Variants in ACTR3C observed in about 807,000 individuals in gnomAD.
The protein encoded by ACTR3C is actin related protein 3C, also known as actin-related protein 3C.
A neutral mutation model predicts 26.3 loss-of-function variants in ACTR3C; 18 were observed. The observed-to-expected ratio is 0.68, with a 90% CI of 0.47 to 1.01. The LOEUF is 1.01. Among genes scored for constraint, ACTR3C ranks in the 50% least tolerant of loss-of-function variants. The pLI is 0.00. For missense variants in ACTR3C, 184 were observed against 250.7 expected (o/e 0.73, Z 1.80); for synonymous variants, 55 against 94.5 (o/e 0.58, Z 2.42).
the ACTR3C span, among the ~76,000 whole-genome samples, chr7:149,970,135 C>T: frequency 6.6e-6 from 1 of 152,148 alleles, no homozygotes; most frequent in Non-Finnish European, 1.5e-5. Flanking sequence ...TAGGGGCCTC[C>T]TTCTTGGCAT....
the ACTR3C span, among the ~76,000 whole-genome samples, chr7:149,914,562 C>A: frequency 2.0e-5 from 3 of 149,310 alleles, no homozygotes; most frequent in African/African-American, 7.4e-5. Context: ...GAGACTTTAT[C>A]TCAAAAATAA....
the ACTR3C span, among the ~76,000 whole-genome samples, chr7:149,901,866 G>A: frequency 8.1e-6 from 1 of 123,918 alleles, no homozygotes; most frequent in East Asian, 2.5e-4. Flanking sequence ...AGCCAAGATC[G>A]TGCCACTGTA....
At chr7:149,984,670 G>T in the ACTR3C span, among the ~76,000 whole-genome samples, 1 of 151,770 alleles carries the variant, frequency 6.6e-6, no homozygotes, top group Non-Finnish European at 1.5e-5. Flanking sequence ...AGTAAGTATT[G>T]GTGATGGTTT....
chr7:150,234,709 C>T, the ACTR3C span, among the ~76,000 whole-genome samples: 2 of 152,192 alleles, frequency 1.3e-5, no homozygotes, highest in African/African-American at 4.8e-5. Context: ...TGGCTGTTTG[C>T]TGTAGGAACT....
At chr7:150,252,164 G>GTT (rs1433395414) in intron 6 of ACTR3C, among the ~76,000 whole-genome samples, 4 of 152,042 alleles carry the variant, frequency 2.6e-5, no homozygotes, top group South Asian at 2.1e-4. Flanking sequence ...GTGTGTGTGT[G>GTT]TGTGCAATGA....
At chr7:150,032,267 T>A in the ACTR3C span, among the ~76,000 whole-genome samples, 12 of 152,190 alleles carry the variant, frequency 7.9e-5, no homozygotes, top group African/African-American at 2.9e-4. Context: ...GGTGACAGCA[T>A]TAGAATGGGA....
chr7:150,231,693 C>T, the ACTR3C span, among the ~76,000 whole-genome samples: 1 of 151,520 alleles, frequency 6.6e-6, no homozygotes, highest in Non-Finnish European at 1.5e-5. Flanking sequence ...TTTTCTGTTC[C>T]CGATTTCTAG....
the ACTR3C span, among the ~76,000 whole-genome samples, chr7:150,192,959 C>G: frequency 1.7e-4 from 26 of 152,334 alleles, no homozygotes; most frequent in Non-Finnish European, 2.8e-4. Context: ...TGCCAATGAT[C>G]TTAACCTCTG....
chr7:150,116,455 G>GA, the ACTR3C span, among the ~76,000 whole-genome samples: 1 of 152,186 alleles, frequency 6.6e-6, no homozygotes, highest in African/African-American at 2.4e-5. Flanking sequence ...ATGTTTCTAT[G>GA]AAAAAGTTTT....
At chr7:150,114,834 G>T in the ACTR3C span, among the ~76,000 whole-genome samples, 142 of 152,182 alleles carry the variant, frequency 9.3e-4, no homozygotes, top group Middle Eastern at 0.01. Context: ...ATGTGTGGGT[G>T]TCTGTGATTA....
At chr7:149,978,479 C>T in the ACTR3C span, among the ~76,000 whole-genome samples, 1 of 151,422 alleles carries the variant, frequency 6.6e-6, no homozygotes, top group Admixed American at 6.6e-5. Context: ...AAAATGACAC[C>T]CAATTTTCCA....
the ACTR3C span, among the ~76,000 whole-genome samples, chr7:150,049,340 C>T: frequency 1.3e-5 from 2 of 152,134 alleles, no homozygotes; most frequent in Non-Finnish European, 1.5e-5. Context: ...CCCTTCCCGG[C>T]CGGGAAGGAC....
chr7:150,307,491 C>T lies in ACTR3C; in HGVS notation c.-51-12144G>A, dbSNP rs373980549. On this transcript the variant is annotated intron_variant, in intron 1 of 7. Coordinates refer to ENST00000683684, the MANE Select transcript of ACTR3C (RefSeq NM_001164458.2). ...GACAATAAGACTTATGATCTCCCCA[C>T]CATGTACCTTGTGACCCCCTCCTCT... Among the ~76,000 whole-genome samples, 14 of 152,314 alleles carry T rather than the reference C, an allele frequency of 9.2e-5. No individual in the cohort carries two copies. The East Asian group carries it at 2.7e-3, about 29-fold the overall frequency.
At chr7:150,075,626 C>T in the ACTR3C span, among the ~76,000 whole-genome samples, 2 of 152,162 alleles carry the variant, frequency 1.3e-5, no homozygotes, top group African/African-American at 4.8e-5. Context: ...CCCTAAAAAT[C>T]AGGCCTTTTG....
downstream of ACTR3C, among the ~76,000 whole-genome samples, chr7:150,239,260 C>T (rs1318812574): frequency 4.0e-5 from 6 of 148,920 alleles, no homozygotes; most frequent in Non-Finnish European, 7.4e-5. Context: ...AACTCAGATG[C>T]GTTCTCAGTT....
chr7:150,176,601 C>T, the ACTR3C span, among the ~76,000 whole-genome samples: 5 of 150,940 alleles, frequency 3.3e-5, no homozygotes, highest in East Asian at 1.9e-4. Context: ...CATCAAATCA[C>T]GATTATGAGG....
At chr7:150,041,911 A>T in the ACTR3C span, among the ~76,000 whole-genome samples, 6 of 127,062 alleles carry the variant, frequency 4.7e-5, no homozygotes, top group South Asian at 5.3e-4. Context: ...CCTCAGAGCC[A>T]GGGGGGGAAG....
At chr7:150,259,311 AAGAG>A (rs1335613095) in intron 6 of ACTR3C, among the ~76,000 whole-genome samples, 1 of 150,698 alleles carries the variant, frequency 6.6e-6, no homozygotes, top group Non-Finnish European at 1.5e-5. Context: ...AAGAAAGAAA[AAGAG>A]AGGAAAGAAA....
chr7:150,099,353 G>A, the ACTR3C span, among the ~76,000 whole-genome samples: 22,495 of 150,926 alleles, frequency 0.15, 1,473 homozygotes, highest in African/African-American at 0.21. Flanking sequence ...ATAATTGATG[G>A]GCTATTGATT....
Sources: allele counts gnomAD v4.1 joint callset (sites outside exome capture counted in the v4.1 genomes callset), GRCh38; gene constraint gnomAD v4.1.1; transcripts MANE v1.5; gene names NCBI Gene and HGNC (gene_info 2026-07-23, HGNC 2026-07-21).